The following CKAP5 variants were observed in gnomAD, a reference collection of about 807,000 sequenced individuals.
CKAP5 encodes the protein cytoskeleton-associated protein 5.
A neutral mutation model predicts 232.8 loss-of-function variants in CKAP5; 27 were observed. That is an observed-to-expected ratio of 0.12 (90% CI 0.09 to 0.16). The LOEUF (loss-of-function observed/expected upper bound fraction) is 0.16, where lower values mean the gene tolerates loss of function less well. CKAP5 is among the 10% of genes least tolerant of loss of function. CKAP5 has a pLI of 1.00. For synonymous variants in CKAP5, 785 were observed against 841.1 expected (o/e 0.93, Z 1.16); for missense variants, 1,838 against 2,424.7 (o/e 0.76, Z 5.08).
intron 2 of CKAP5, among the ~76,000 whole-genome samples, chr11:46,819,404 T>C (rs866298853): frequency 3.9e-5 from 6 of 152,142 alleles, no homozygotes; most frequent in Middle Eastern, 3.2e-3. Context: ...TGCAGGACTA[T>C]GAAGGCCAAA....
At chr11:46,751,829 C>T (rs1189255000) in intron 38 of CKAP5, among the ~76,000 whole-genome samples, 2 of 152,034 alleles carry the variant, frequency 1.3e-5, no homozygotes, top group Non-Finnish European at 2.9e-5. Flanking sequence ...GGGTTTCCTT[C>T]GTTCCTGAGA....
chr11:46,797,779 C>T lies in CKAP5; in HGVS notation c.1338+26G>A, dbSNP rs781333444. The T allele has an allele frequency of 3.2e-6, 5 of 1,580,202 alleles. No homozygotes were observed. In the South Asian group the frequency reaches 5.9e-5, roughly 19 times the overall value. On this transcript the variant is annotated intron_variant, in intron 11 of 43. Coordinates refer to ENST00000529230, the MANE Select transcript of CKAP5 (RefSeq NM_001008938.4). ...GAATCTTGCCTAGGTATAAAATATT[C>T]CCCCAACTTCAAAGAGAGTCTGTAC...
At chr11:46,766,258 C>T (rs1196393560) in intron 27 of CKAP5, among the ~76,000 whole-genome samples, 1 of 152,134 alleles carries the variant, frequency 6.6e-6, no homozygotes, top group Non-Finnish European at 1.5e-5. Context: ...TTATATGAAA[C>T]TGCTTCGTAA....
intron 7 of CKAP5, among the ~76,000 whole-genome samples, 184 bp downstream of exon 7, chr11:46,809,216 T>G (rs1349465091): frequency 2.0e-5 from 3 of 152,068 alleles, no homozygotes; most frequent in African/African-American, 7.2e-5. Flanking sequence ...TTTAAAAAAG[T>G]GCTATAATAT....
intron 24 of CKAP5, among the ~76,000 whole-genome samples, chr11:46,773,389 G>T (rs1385154385): frequency 6.6e-6 from 1 of 150,986 alleles, no homozygotes; most frequent in African/African-American, 2.4e-5. Context: ...GCTGGGATTA[G>T]AGGTGCCCAC....
intron 1 of CKAP5, among the ~76,000 whole-genome samples, chr11:46,833,883 TA>T (rs1939854184): frequency 6.6e-6 from 1 of 151,734 alleles, no homozygotes; most frequent in Non-Finnish European, 1.5e-5. Context: ...TCATCATCAT[TA>T]TTGAGATGGA....
chr11:46,772,183 G>A (rs1322990778), intron 24 of CKAP5, among the ~76,000 whole-genome samples: 1 of 151,840 alleles, frequency 6.6e-6, no homozygotes, highest in Non-Finnish European at 1.5e-5. Context: ...TGAGTTTTCA[G>A]AGTTCTTTAT....
At chr11:46,762,223 G>C in intron 31 of CKAP5, 30 bp from the exon 32 acceptor site, 4 of 1,597,974 alleles carry the variant, frequency 2.5e-6, no homozygotes, top group Non-Finnish European at 3.4e-6. Flanking sequence ...AGATTAATGA[G>C]ACAACACATA....
chr11:46,838,101 G>T (rs1385386762), intron 1 of CKAP5, among the ~76,000 whole-genome samples: 1 of 152,102 alleles, frequency 6.6e-6, no homozygotes, highest in Non-Finnish European at 1.5e-5. Context: ...GATGAAAATG[G>T]CACTTTACCT....
chr11:46,759,564 T>A, intron 33 of CKAP5, 122 bp from the exon 34 acceptor site: 1 of 968,854 alleles, frequency 1.0e-6, no homozygotes, highest in Non-Finnish European at 1.5e-6. Context: ...TCAGCCCCCC[T>A]GAATGATTTA....
rs1443873584 is a variant in CKAP5, at chr11:46,778,605, C to A, written c.2434-6G>T. On this transcript the variant is annotated splice_polypyrimidine_tract_variant and splice_region_variant and intron_variant, in intron 20 of 43. Coordinates refer to ENST00000529230, the MANE Select transcript of CKAP5 (RefSeq NM_001008938.4). ...GGTGGACTTTGTCCCTGCATCTATA[C>A]ACAAATGAATGAGTAAGGCTAATGA... is the stretch of plus-strand genomic sequence containing the variant. The A allele has an allele frequency of 3.1e-6, 5 of 1,612,682 alleles. No homozygotes were observed. In the South Asian group the frequency reaches 5.5e-5, roughly 18 times the overall value.
At chr11:46,752,251 A>T (rs1357074556) in intron 38 of CKAP5, among the ~76,000 whole-genome samples, 3 of 145,544 alleles carry the variant, frequency 2.1e-5, no homozygotes, top group African/African-American at 7.5e-5. Context: ...ATATACATAT[A>T]TAACATATTA....
chr11:46,817,185 G>C (rs1002823508), intron 3 of CKAP5, among the ~76,000 whole-genome samples: 2 of 151,768 alleles, frequency 1.3e-5, no homozygotes, highest in Non-Finnish European at 2.9e-5. Context: ...TGGGATTATA[G>C]CTCACTGTGA....
chr11:46,804,862 T>C (rs1217686330), intron 8 of CKAP5, among the ~76,000 whole-genome samples: 1 of 151,248 alleles, frequency 6.6e-6, no homozygotes, highest in South Asian at 2.1e-4. Context: ...TATATATATA[T>C]AAAAAATCAA....
intron 24 of CKAP5, among the ~76,000 whole-genome samples, chr11:46,774,663 A>G (rs988814304): frequency 6.6e-6 from 1 of 152,190 alleles, no homozygotes; most frequent in Non-Finnish European, 1.5e-5. Context: ...GGAACAGAAC[A>G]GAGGCCTCAG....
chr11:46,758,669 T>TGAGTA, intron 35 of CKAP5: 1 of 331,578 alleles, frequency 3.0e-6, no homozygotes, highest in South Asian at 5.0e-5. Flanking sequence ...GAATAGCCAC[T>TGAGTA]GTACTCCAGC....
chr11:46,766,039 G>T (rs1031037863), intron 27 of CKAP5, among the ~76,000 whole-genome samples: 1 of 151,984 alleles, frequency 6.6e-6, no homozygotes, highest in African/African-American at 2.4e-5. Context: ...TCACTAAAGT[G>T]GTTTTAAAAA....
chr11:46,788,574 CAAAA>C, intron 16 of CKAP5, 103 bp downstream of exon 16: 1 of 583,762 alleles, frequency 1.7e-6, no homozygotes, highest in Admixed American at 3.4e-5. Flanking sequence ...AACTCCGTCT[CAAAA>C]AAAAAAAAAT....
chr11:46,812,883 T>A (rs1005983242), intron 4 of CKAP5, among the ~76,000 whole-genome samples: 1 of 152,080 alleles, frequency 6.6e-6, no homozygotes, highest in Admixed American at 6.6e-5. Flanking sequence ...GCTCAGGCAA[T>A]CTGCCTGCCT....
Sources: allele counts gnomAD v4.1 joint callset (sites outside exome capture counted in the v4.1 genomes callset), GRCh38; gene constraint gnomAD v4.1.1; transcripts MANE v1.5; gene names NCBI Gene and HGNC (gene_info 2026-07-23, HGNC 2026-07-21).